CNBD1: variants seen among roughly 807,000 people sequenced by gnomAD.
The protein encoded by CNBD1 is cyclic nucleotide binding domain containing 1, also known as cyclic nucleotide-binding domain-containing protein 1.
In CNBD1, 71 loss-of-function variants were observed where a neutral mutation model predicts 54.4. That is an observed-to-expected ratio of 1.30 (90% confidence interval 1.08 to 1.59). CNBD1 has a LOEUF of 1.59. Ranked by LOEUF, CNBD1 falls within the 40% of genes most tolerant of loss-of-function variation. CNBD1 has a pLI of 0.00. For missense variants in CNBD1, 659 were observed against 518.0 expected (o/e 1.27, Z -2.64); for synonymous variants, 182 against 170.7 (o/e 1.07, Z -0.51).
chr8:87,103,423 A>G (rs751702748), intron 4 of CNBD1, among the ~76,000 whole-genome samples: 7 of 152,218 alleles, frequency 4.6e-5, no homozygotes, highest in Non-Finnish European at 7.3e-5. Flanking sequence ...TGATTGTATT[A>G]GTCTTTTCTC....
chr8:87,198,314 A>G (rs1037761864), intron 4 of CNBD1, among the ~76,000 whole-genome samples: 1 of 152,168 alleles, frequency 6.6e-6, no homozygotes, highest in Admixed American at 6.5e-5. Flanking sequence ...TGACTTATCT[A>G]CCAGCTCCAT....
At position 86,904,414 on chromosome 8, in the gene CNBD1, C is replaced by T. The variant is rs1808984576; in HGVS notation, c.159-667C>T. 3.3e-5 allele frequency among the ~76,000 whole-genome samples: 5 copies of T among 152,014 alleles called. No homozygotes were observed. In the South Asian group the frequency reaches 1.0e-3, roughly 31 times the overall value. ...CATTACCTAACATTTAATGACAATG[C>T]TATTCTCTGAATCTTGCTTATTGGC... On this transcript the variant is annotated intron_variant, in intron 2 of 10. Coordinates refer to ENST00000518476, the MANE Select transcript of CNBD1 (RefSeq NM_173538.3).
At chr8:87,194,663 T>C (rs1813677604) in intron 4 of CNBD1, among the ~76,000 whole-genome samples, 1 of 152,194 alleles carries the variant, frequency 6.6e-6, no homozygotes, top group Admixed American at 6.5e-5. Flanking sequence ...TGTTAATATG[T>C]GTATCTTTCT....
At chr8:86,916,727 A>C (rs1809191856) in intron 3 of CNBD1, among the ~76,000 whole-genome samples, 1 of 151,556 alleles carries the variant, frequency 6.6e-6, no homozygotes, top group East Asian at 1.9e-4. Flanking sequence ...TTTTTGAAAT[A>C]GAATCTCACT....
chr8:87,388,585 G>A lies in CNBD1; in HGVS notation c.213+34799G>A, dbSNP rs574143224. Among the ~76,000 whole-genome samples the A allele has an allele frequency of 1.2e-3, 186 of 152,182 alleles. 1 individual carries two copies. The highest frequency in any genetic ancestry group is 2.0e-3 in the Non-Finnish European group (133 of 68,020). On this transcript the variant is annotated intron_variant, in intron 2 of 7. Transcript: ENST00000521593. ...GAATCTCTGAGTAGACCAATAACAG[G>A]CTCTGAAATTGAGGCAACAATTAAT... is the stretch of plus-strand genomic sequence containing the variant.
intron 2 of CNBD1, among the ~76,000 whole-genome samples, chr8:87,425,404 A>G (rs1021021388): frequency 6.6e-6 from 1 of 152,092 alleles, no homozygotes; most frequent in African/African-American, 2.4e-5. Context: ...TCTGATTTTT[A>G]GAGTTTCCAG....
chr8:86,930,263 T>A (rs533468413), intron 3 of CNBD1, among the ~76,000 whole-genome samples: 24 of 152,294 alleles, frequency 1.6e-4, no homozygotes, highest in African/African-American at 5.8e-4. Flanking sequence ...TGGCTAAGAT[T>A]AGGCCTAGAT....
intron 4 of CNBD1, among the ~76,000 whole-genome samples, chr8:87,123,536 T>C (rs1045990167): frequency 1.3e-5 from 2 of 151,772 alleles, no homozygotes; most frequent in Admixed American, 6.6e-5. Context: ...AATAAGGACA[T>C]TTATAGCATT....
At chr8:87,309,698 T>C (rs1208350706) in intron 8 of CNBD1, among the ~76,000 whole-genome samples, 1 of 152,170 alleles carries the variant, frequency 6.6e-6, no homozygotes, top group South Asian at 2.1e-4. Context: ...CATATAAATC[T>C]GTATTTATGT....
chr8:87,303,269 G>A (rs1222241785), intron 8 of CNBD1, among the ~76,000 whole-genome samples: 4 of 151,834 alleles, frequency 2.6e-5, no homozygotes, highest in South Asian at 4.2e-4. Context: ...AAACAGCATG[G>A]TACTGGTACC....
chr8:86,928,532 G>T (rs182407849), intron 3 of CNBD1, among the ~76,000 whole-genome samples: 67 of 152,262 alleles, frequency 4.4e-4, no homozygotes, highest in African/African-American at 1.5e-3. Flanking sequence ...CTTTGGGGGA[G>T]CCCAAATCTA....
chr8:87,323,378 C>G, intron 8 of CNBD1, among the ~76,000 whole-genome samples: 1 of 139,328 alleles, frequency 7.2e-6, no homozygotes, highest in Non-Finnish European at 1.6e-5. Flanking sequence ...GGCATTGAAT[C>G]TGTAAATTAC....
chr8:87,280,818 G>A (rs796290517), intron 6 of CNBD1, among the ~76,000 whole-genome samples: 7 of 151,548 alleles, frequency 4.6e-5, no homozygotes, highest in African/African-American at 1.7e-4. Context: ...AAAAAAGCAT[G>A]AGAATACATC....
At chr8:87,387,727 A>G (rs1811219960), downstream of CNBD1, among the ~76,000 whole-genome samples, 1 of 152,104 alleles carries the variant, frequency 6.6e-6, no homozygotes, top group Non-Finnish European at 1.5e-5. Context: ...GATATCCAGG[A>G]ACTCAACTCA....
In CNBD1 at chr8:87,024,271, CAGGAATCA is replaced by C. The variant is rs1208073427; in HGVS notation, c.431+84518_431+84525del. ...AAGAAAAAAAAAAAAAAAAGCTATC[CAGGAATCA>C]TTAGAGTTTACAAAATATAGGGATT... On this transcript the variant is annotated intron_variant, in intron 4 of 10. Transcript: ENST00000518476. Among the ~76,000 whole-genome samples the C allele has an allele frequency of 8.8e-4, 132 of 149,908 alleles. 2 individuals carry two copies. Among genetic ancestry groups the C allele is most frequent in the African/African-American group, 3.2e-3 (130 of 40,862 alleles).
At chr8:86,922,765 T>C (rs1278854893) in intron 3 of CNBD1, among the ~76,000 whole-genome samples, 3 of 152,126 alleles carry the variant, frequency 2.0e-5, no homozygotes, top group African/African-American at 7.2e-5. Flanking sequence ...GTTTGAAGCA[T>C]CTGGGTATAG....
chr8:86,916,766 C>G (rs1372631213), intron 3 of CNBD1, among the ~76,000 whole-genome samples: 1 of 151,822 alleles, frequency 6.6e-6, no homozygotes, highest in African/African-American at 2.4e-5. Flanking sequence ...TGCAGTGGTG[C>G]AAACTTGGCT....
chr8:86,942,887 T>C lies in CNBD1; in HGVS notation c.431+3133T>C, dbSNP rs35814757. 6.2e-3 allele frequency among the ~76,000 whole-genome samples: 946 copies of C among 152,340 alleles called. 5 individuals carry two copies. The highest frequency in any genetic ancestry group is 0.01 in the Non-Finnish European group (702 of 68,034). On this transcript the variant is annotated intron_variant, in intron 4 of 10. Coordinates refer to ENST00000518476, the MANE Select transcript of CNBD1 (RefSeq NM_173538.3). Reference sequence around the variant, plus strand: ...ACACTAAAGTAATTCAATTAAAATCTATTTATTGATGGATAAGTTGTCAGG... The same window carrying C: ...ACACTAAAGTAATTCAATTAAAATCCATTTATTGATGGATAAGTTGTCAGG...
intron 8 of CNBD1, among the ~76,000 whole-genome samples, chr8:87,323,275 C>A (rs1197047515): frequency 9.2e-6 from 1 of 108,478 alleles, no homozygotes; most frequent in Non-Finnish European, 2.0e-5. Flanking sequence ...TTAGGATTGA[C>A]TTGGCGATGT....
Sources: allele counts gnomAD v4.1 joint callset (sites outside exome capture counted in the v4.1 genomes callset), GRCh38; gene constraint gnomAD v4.1.1; transcripts MANE v1.5; gene names NCBI Gene and HGNC (gene_info 2026-07-23, HGNC 2026-07-21).